Variants in VPS8 observed in about 807,000 individuals in gnomAD.
VPS8 encodes the protein VPS8 subunit of CORVET complex.
In VPS8, 129 loss-of-function variants were observed where a neutral mutation model predicts 216.4. The ratio of observed to expected loss-of-function variants is 0.60; its 90% CI spans 0.52 to 0.69. The LOEUF (loss-of-function observed/expected upper bound fraction) is 0.69. Ranked by LOEUF, VPS8 falls within the 30% of genes least tolerant of loss-of-function variation. The pLI, the probability that VPS8 is intolerant of heterozygous loss-of-function variation, is 0.00. For missense variants in VPS8, 1,531 were observed against 1,683.5 expected, an observed-to-expected ratio of 0.91 and a Z score of 1.59; for synonymous variants, 571 against 565.4, an observed-to-expected ratio of 1.01 and a Z score of -0.14.
intron 29 of VPS8, among the ~76,000 whole-genome samples, chr3:184,921,876 T>C (rs116087915): frequency 0.031 from 4,784 of 152,240 alleles, 260 homozygotes; most frequent in African/African-American, 0.11. Context: ...TGAGAAGTTC[T>C]GTTTCTAAGT....
At chr3:184,923,598 G>A (rs915826379) in intron 29 of VPS8, among the ~76,000 whole-genome samples, 5 of 152,126 alleles carry the variant, frequency 3.3e-5, no homozygotes, top group Non-Finnish European at 5.9e-5. Flanking sequence ...GGTGGAACAC[G>A]TTTAGTAGCT....
At chr3:184,921,199 C>T (rs1414416660) in intron 29 of VPS8, among the ~76,000 whole-genome samples, 1 of 152,232 alleles carries the variant, frequency 6.6e-6, no homozygotes, top group East Asian at 1.9e-4. Context: ...CTCAAAATAA[C>T]AATAGTTTAA....
chr3:184,821,916 T>C (rs1717685416), intron 1 of VPS8, among the ~76,000 whole-genome samples: 1 of 152,280 alleles, frequency 6.6e-6, no homozygotes, highest in East Asian at 1.9e-4. Context: ...AGACTCTGGC[T>C]ATCACATAAT....
At chr3:184,960,494 C>A (rs1191960120) in intron 37 of VPS8, among the ~76,000 whole-genome samples, 1 of 152,062 alleles carries the variant, frequency 6.6e-6, no homozygotes, top group Admixed American at 6.6e-5. Context: ...ATAACATATA[C>A]CAAGACATAA....
chr3:184,849,929 C>T lies in VPS8; in HGVS notation c.667-7C>T. ...ATTTGTTTTTGAAGCACTTAGTTGT[C>T]TTATAGATCACCATGTGGGATTTGG... On this transcript the variant is annotated splice_polypyrimidine_tract_variant and splice_region_variant and intron_variant, in intron 9 of 47. Coordinates refer to ENST00000625842, the MANE Select transcript of VPS8 (RefSeq NM_001009921.3). 6.2e-7 allele frequency: 1 copy of T among 1,610,138 alleles called. No individual in the cohort carries two copies. Among genetic ancestry groups the T allele is most frequent in the Middle Eastern group, 1.7e-4 (1 of 6,044 alleles).
intron 18 of VPS8, among the ~76,000 whole-genome samples, chr3:184,868,465 G>A (rs1317874662): frequency 3.9e-5 from 6 of 152,096 alleles, no homozygotes; most frequent in Non-Finnish European, 5.9e-5. Flanking sequence ...TTTTAGGAAG[G>A]AAGAAAGAAA....
intron 43 of VPS8, 107 bp from the exon 44 acceptor site, chr3:184,996,225 G>A: frequency 3.8e-6 from 5 of 1,302,548 alleles, no homozygotes; most frequent in Non-Finnish European, 4.1e-6. Context: ...TTCAATTTTA[G>A]CTGTTGGTAG....
At chr3:184,988,289 GTATTT>G (rs1553896349) in intron 42 of VPS8, among the ~76,000 whole-genome samples, 1 of 152,064 alleles carries the variant, frequency 6.6e-6, no homozygotes, top group Non-Finnish European at 1.5e-5. Context: ...TAAAAGTTTT[GTATTT>G]TTGCATTTTA....
intron 45 of VPS8, among the ~76,000 whole-genome samples, chr3:185,009,922 T>C (rs1299791163): frequency 6.6e-6 from 1 of 150,776 alleles, no homozygotes; most frequent in East Asian, 1.9e-4. Flanking sequence ...AGGTAACTTT[T>C]GAGTATTCAG....
rs191921885 is a variant in VPS8, at chr3:184,921,500, G to T, written c.2454+1302G>T. On this transcript the variant is annotated intron_variant, in intron 29 of 47. Coordinates refer to ENST00000625842, the MANE Select transcript of VPS8 (RefSeq NM_001009921.3). The stretch of plus-strand genomic sequence containing the variant: ...CACCGTGTAAGGCCCCTTGGTTGGT[G>T]GGGGAGATGGAGAAACATAGTCTGT... 1.3e-4 allele frequency among the ~76,000 whole-genome samples: 20 copies of T among 152,226 alleles called. No individual in the cohort carries two copies. The South Asian group carries it at 1.5e-3, about 11-fold the overall frequency.
intron 1 of VPS8, among the ~76,000 whole-genome samples, chr3:184,820,936 T>C (rs958725517): frequency 4.6e-5 from 7 of 152,342 alleles, no homozygotes; most frequent in African/African-American, 1.4e-4. Context: ...AAAACCCCTA[T>C]CATTCAGCTC....
At chr3:185,000,310 C>A (rs1753226824) in intron 45 of VPS8, among the ~76,000 whole-genome samples, 1 of 152,106 alleles carries the variant, frequency 6.6e-6, no homozygotes, top group African/African-American at 2.4e-5. Context: ...GACTACTGGA[C>A]TAGATGATAA....
intron 20 of VPS8, among the ~76,000 whole-genome samples, chr3:184,870,288 C>T (rs746731743): frequency 2.6e-5 from 4 of 152,040 alleles, no homozygotes; most frequent in Non-Finnish European, 4.4e-5. Context: ...ATAGGATTCC[C>T]TCCCTTTTGT....
At chr3:184,939,178 T>C in intron 35 of VPS8, among the ~76,000 whole-genome samples, 1 of 152,060 alleles carries the variant, frequency 6.6e-6, no homozygotes, top group Non-Finnish European at 1.5e-5. Flanking sequence ...TGGCAAGAAA[T>C]ATGCCTCTGA....
At chr3:184,882,414 A>T (rs1392573075) in intron 21 of VPS8, 1 of 454,416 alleles carries the variant, frequency 2.2e-6, no homozygotes, top group Non-Finnish European at 4.4e-6. Context: ...ATCCTGGAAT[A>T]AACCTCACTT....
At chr3:185,025,102 A>G (rs1390904060) in intron 46 of VPS8, among the ~76,000 whole-genome samples, 1 of 152,222 alleles carries the variant, frequency 6.6e-6, no homozygotes, top group East Asian at 1.9e-4. Flanking sequence ...AAGGTCTTCA[A>G]TAAATGCTGG....
chr3:184,854,198 T>G, intron 13 of VPS8, 25 bp downstream of exon 13: 1 of 1,612,904 alleles, frequency 6.2e-7, no homozygotes, highest in Non-Finnish European at 8.5e-7. Context: ...CCATCTTATT[T>G]GCCAAAGGAA....
intron 5 of VPS8, among the ~76,000 whole-genome samples, chr3:184,837,625 T>C (rs1162059044): frequency 6.6e-6 from 1 of 152,238 alleles, no homozygotes; most frequent in Non-Finnish European, 1.5e-5. Flanking sequence ...TTCTCCTGTT[T>C]CCATGTACTG....
At chr3:184,970,366 A>G (rs1748210580) in intron 39 of VPS8, among the ~76,000 whole-genome samples, 1 of 152,236 alleles carries the variant, frequency 6.6e-6, no homozygotes, top group African/African-American at 2.4e-5. Flanking sequence ...GGAGACAGAT[A>G]AGTAAATAAA....
Sources: allele counts gnomAD v4.1 joint callset (sites outside exome capture counted in the v4.1 genomes callset), GRCh38; gene constraint gnomAD v4.1.1; transcripts MANE v1.5; gene names NCBI Gene and HGNC (gene_info 2026-07-23, HGNC 2026-07-21).